Variants in NKAIN2 observed in about 807,000 individuals in gnomAD.
NKAIN2 encodes the protein sodium/potassium transporting ATPase interacting 2.
A neutral mutation model predicts 32.6 loss-of-function variants in NKAIN2; 14 were observed. The observed-to-expected ratio is 0.43, with a 90% CI of 0.28 to 0.67. The LOEUF is 0.67. NKAIN2 is among the 30% of genes least tolerant of loss of function. The probability of loss-of-function intolerance (pLI) is 0.17; values close to 1 mark genes in which losing one functional copy is unlikely to be tolerated. For missense variants in NKAIN2, 198 were observed against 258.3 expected, an observed-to-expected ratio of 0.77 and a Z score of 1.60; for synonymous variants, 80 against 87.2, an observed-to-expected ratio of 0.92 and a Z score of 0.46.
rs896527169 is a variant in NKAIN2, at chr6:124,734,467, C to A, written c.475-56872C>A. On this transcript the variant is annotated intron_variant, in intron 4 of 6. Coordinates refer to ENST00000368417, the MANE Select transcript of NKAIN2 (RefSeq NM_001040214.3). ...AAAATCTTTAAATGGTCCCTTACTA[C>A]CTAAATTCTTTATCATTACCCTTCA... Among the ~76,000 whole-genome samples the A allele has an allele frequency of 4.2e-5, 3 of 70,660 alleles. No individual in the cohort carries two copies. The Admixed American group carries it at 4.7e-4, about 11-fold the overall frequency. 46.4% of individuals were successfully genotyped at this position (70,660 alleles called of 152,430 possible).
At chr6:123,997,997 A>G (rs1418679322) in intron 1 of NKAIN2, among the ~76,000 whole-genome samples, 1 of 152,156 alleles carries the variant, frequency 6.6e-6, no homozygotes, top group Admixed American at 6.5e-5. Context: ...CTGGTCTCCT[A>G]GTCCTTCATC....
chr6:124,120,135 C>T (rs1247250450), intron 1 of NKAIN2, among the ~76,000 whole-genome samples: 1 of 152,056 alleles, frequency 6.6e-6, no homozygotes, highest in Non-Finnish European at 1.5e-5. Flanking sequence ...TTTCAGTTTC[C>T]AAGATAAGAG....
intron 1 of NKAIN2, among the ~76,000 whole-genome samples, chr6:123,862,611 C>A (rs1041300573): frequency 1.3e-5 from 2 of 152,142 alleles, no homozygotes; most frequent in Admixed American, 6.5e-5. Context: ...ATAGTTTATA[C>A]CCTGTGATCT....
At chr6:124,115,631 A>T (rs1004444021) in intron 1 of NKAIN2, among the ~76,000 whole-genome samples, 20 of 152,252 alleles carry the variant, frequency 1.3e-4, no homozygotes, top group African/African-American at 4.8e-4. Context: ...AGCACTGCTT[A>T]ATCAGCAATG....
At chr6:124,292,338 C>T (rs778891321) in intron 2 of NKAIN2, among the ~76,000 whole-genome samples, 5 of 152,078 alleles carry the variant, frequency 3.3e-5, no homozygotes, top group Non-Finnish European at 7.4e-5. Flanking sequence ...AATCAATATC[C>T]ATCTCTTTGT....
At chr6:124,143,865 G>T (rs79862242) in intron 1 of NKAIN2, among the ~76,000 whole-genome samples, 2,688 of 152,110 alleles carry the variant, frequency 0.018, 65 homozygotes, top group African/African-American at 0.05. Context: ...AACTGTTAAT[G>T]GTTTTCTTAT....
intron 3 of NKAIN2, among the ~76,000 whole-genome samples, chr6:124,570,562 G>A (rs1426706000): frequency 6.6e-6 from 1 of 152,220 alleles, no homozygotes; most frequent in Non-Finnish European, 1.5e-5. Flanking sequence ...GAAGCCCCAG[G>A]CATTGGCAGC....
chr6:124,109,397 C>A (rs1391084553), intron 1 of NKAIN2, among the ~76,000 whole-genome samples: 1 of 151,842 alleles, frequency 6.6e-6, no homozygotes, highest in Non-Finnish European at 1.5e-5. Flanking sequence ...GATTTTGTAT[C>A]CTGCAACTTT....
intron 3 of NKAIN2, among the ~76,000 whole-genome samples, chr6:124,625,033 G>A (rs1783257752): frequency 6.6e-6 from 1 of 152,136 alleles, no homozygotes; most frequent in South Asian, 2.1e-4. Flanking sequence ...TATTTAAGCT[G>A]CATCATTCAT....
At chr6:123,872,106 T>G (rs1772920273) in intron 1 of NKAIN2, among the ~76,000 whole-genome samples, 1 of 152,186 alleles carries the variant, frequency 6.6e-6, no homozygotes, top group South Asian at 2.1e-4. Context: ...ATGTTTATTA[T>G]TATTAATTTT....
chr6:124,754,057 A>C (rs1017301167), intron 4 of NKAIN2, among the ~76,000 whole-genome samples: 1 of 152,012 alleles, frequency 6.6e-6, no homozygotes, highest in East Asian at 1.9e-4. Context: ...CTCCTTAAAG[A>C]CTCAATTTTC....
intron 3 of NKAIN2, among the ~76,000 whole-genome samples, chr6:124,414,953 A>G (rs180806243): frequency 1.3e-5 from 2 of 151,362 alleles, no homozygotes; most frequent in East Asian, 3.9e-4. Context: ...TTAAAAAAGA[A>G]TCATCTTGAG....
At chr6:124,105,971 G>A (rs2114959387) in intron 1 of NKAIN2, among the ~76,000 whole-genome samples, 1 of 152,228 alleles carries the variant, frequency 6.6e-6, no homozygotes, top group South Asian at 2.1e-4. Flanking sequence ...GGAAAATTAA[G>A]GCAGATGGAA....
At chr6:124,641,529 G>GTTT (rs1562300001) in intron 3 of NKAIN2, among the ~76,000 whole-genome samples, 4 of 23,832 alleles carry the variant, frequency 1.7e-4, no homozygotes, top group East Asian at 1.0e-3. Context: ...TAAAACACTA[G>GTTT]CTTTTTTTTT....
chr6:124,121,889 G>A, intron 1 of NKAIN2: 1 of 1,237,492 alleles, frequency 8.1e-7, no homozygotes, highest in South Asian at 1.3e-5. Flanking sequence ...TACTGAAGAT[G>A]GATGGGGATC....
chr6:124,570,359 G>C (rs1363282400), intron 3 of NKAIN2, among the ~76,000 whole-genome samples: 1 of 152,142 alleles, frequency 6.6e-6, no homozygotes, highest in Non-Finnish European at 1.5e-5. Flanking sequence ...AGACCATGGG[G>C]AAGATGTCAC....
At chr6:124,491,964 C>G (rs564552161) in intron 3 of NKAIN2, among the ~76,000 whole-genome samples, 67 of 152,012 alleles carry the variant, frequency 4.4e-4, no homozygotes, top group African/African-American at 1.5e-3. Flanking sequence ...AAATGCGTTA[C>G]TCAGTAGTAG....
At chr6:124,349,320 A>T (rs143214251) in intron 2 of NKAIN2, among the ~76,000 whole-genome samples, 1 of 152,038 alleles carries the variant, frequency 6.6e-6, no homozygotes, top group African/African-American at 2.4e-5. Context: ...GAACTTCCCG[A>T]GGCTCCACCC....
chr6:124,135,118 A>AT, intron 1 of NKAIN2, among the ~76,000 whole-genome samples: 1 of 152,292 alleles, frequency 6.6e-6, no homozygotes, highest in East Asian at 1.9e-4. Context: ...AAGAAATGCC[A>AT]AAGGGAGTTC....
Sources: allele counts gnomAD v4.1 joint callset (sites outside exome capture counted in the v4.1 genomes callset), GRCh38; gene constraint gnomAD v4.1.1; transcripts MANE v1.5; gene names NCBI Gene and HGNC (gene_info 2026-07-23, HGNC 2026-07-21).